FHAD1: variants seen among roughly 807,000 people sequenced by gnomAD.
FHAD1 encodes forkhead-associated domain-containing protein 1.
A neutral mutation model predicts 191.3 loss-of-function variants in FHAD1; 146 were observed. That is an observed-to-expected ratio of 0.76 (90% confidence interval 0.67 to 0.88). The LOEUF (loss-of-function observed/expected upper bound fraction) is 0.88. FHAD1 is among the 40% of genes least tolerant of loss of function. The pLI, the probability that FHAD1 is intolerant of heterozygous loss-of-function variation, is 0.00. For synonymous variants in FHAD1, 616 were observed against 672.3 expected (o/e 0.92, Z 1.29); for missense variants, 1,635 against 1,785.8 (o/e 0.92, Z 1.52).
At chr1:15,340,054 G>GACC (rs1317935287) in intron 15 of FHAD1, among the ~76,000 whole-genome samples, 1 of 152,090 alleles carries the variant, frequency 6.6e-6, no homozygotes, top group Non-Finnish European at 1.5e-5. Flanking sequence ...TTGAACTCCT[G>GACC]ACCTCAAGTG....
intron 15 of FHAD1, 116 bp downstream of exon 15, chr1:15,339,667 TC>T: frequency 2.8e-6 from 1 of 355,560 alleles, no homozygotes; most frequent in East Asian, 8.2e-5. Context: ...GTCCACACCC[TC>T]CAATAGGTGA....
At chr1:15,308,203 T>C (rs969612950) in intron 6 of FHAD1, among the ~76,000 whole-genome samples, 2 of 152,194 alleles carry the variant, frequency 1.3e-5, no homozygotes, top group Non-Finnish European at 2.9e-5. Context: ...TATAACCTAT[T>C]GTTATCATTT....
chr1:15,343,782 A>G (rs1238361304), intron 16 of FHAD1: 1 of 152,186 alleles, frequency 6.6e-6, no homozygotes, highest in Non-Finnish European at 1.5e-5. Flanking sequence ...GTACCTAGAA[A>G]TCTTCAAAAT....
rs1056326647 is a variant in FHAD1, at chr1:15,276,480, G to A, written c.300+3951G>A. On this transcript the variant is annotated intron_variant, in intron 3 of 33. Coordinates refer to ENST00000688493, the MANE Select transcript of FHAD1 (RefSeq NM_001391957.1). This position sits in a 1 kb window ranked among gnomAD's most constrained non-coding sequence, Gnocchi z 4.7. ...ACCCACGATATGCTTAAGAGTACACGTTATATATCATAGCTTTTTTGCCAA... is the reference window on the plus strand; with the variant it reads ...ACCCACGATATGCTTAAGAGTACACATTATATATCATAGCTTTTTTGCCAA... Among the ~76,000 whole-genome samples, 8 of 152,334 alleles carry A rather than the reference G, an allele frequency of 5.3e-5. No individual in the cohort carries two copies. The South Asian group carries it at 8.3e-4, about 16-fold the overall frequency.
intron 15 of FHAD1, among the ~76,000 whole-genome samples, chr1:15,341,282 C>T (rs77283727): frequency 2.0e-5 from 3 of 152,198 alleles, no homozygotes; most frequent in African/African-American, 7.2e-5. Flanking sequence ...CTGGTCTAGT[C>T]CCTTCTCCTT....
At position 15,366,604 on chromosome 1, in the gene FHAD1, C is replaced by T. The variant is rs77967464; in HGVS notation, c.3154+671C>T. ...GCAGCAGGCCAGTTTGCACAAGCCC[C>T]GGCACTCACTAGCTTTGGGACCTAG... is the stretch of plus-strand genomic sequence containing the variant. On this transcript the variant is annotated intron_variant, in intron 24 of 33. Transcript: ENST00000688493. 4.2e-3 allele frequency among the ~76,000 whole-genome samples: 642 copies of T among 152,302 alleles called. 3 individuals are homozygous for T. The highest frequency in any genetic ancestry group is 6.2e-3 in the Non-Finnish European group (425 of 68,010).
intron 26 of FHAD1, among the ~76,000 whole-genome samples, chr1:15,371,558 G>A (rs150830111): frequency 6.6e-6 from 1 of 152,254 alleles, no homozygotes; most frequent in African/African-American, 2.4e-5. Flanking sequence ...GGAGCTCCTG[G>A]TACCCCTCAG....
intron 10 of FHAD1, among the ~76,000 whole-genome samples, chr1:15,324,223 G>A (rs1677406531): frequency 6.6e-6 from 1 of 152,124 alleles, no homozygotes; most frequent in African/African-American, 2.4e-5. Flanking sequence ...TAGAGCCTGG[G>A]GTAGGACAAA....
chr1:15,316,300 G>T lies in FHAD1; in HGVS notation c.1171-78G>T. 1 of 1,135,296 alleles carries T rather than the reference G, an allele frequency of 8.8e-7. No individual in the cohort carries two copies. The highest frequency in any genetic ancestry group is 1.3e-6 in the Non-Finnish European group (1 of 774,184). The allele number at this position is 1,135,296 out of a possible 1,614,324, so 70.3% of individuals were successfully genotyped here. ...AAATGCTCTCAGGGGCTCACATGGG[G>T]CCTTGGAGCCCCTCCTTCCCCCGAC... is the stretch of plus-strand genomic sequence containing the variant. On this transcript the variant is annotated intron_variant, in intron 8 of 33. Transcript: ENST00000688493. This position sits in a 1 kb window ranked among gnomAD's most constrained non-coding sequence, Gnocchi z 4.3.
intron 16 of FHAD1, chr1:15,343,946 C>A (rs1020849268): frequency 2.8e-4 from 43 of 152,376 alleles, no homozygotes; most frequent in African/African-American, 1.0e-3. Flanking sequence ...ATGTTAAACA[C>A]TGCGTTGGGC....
intron 3 of FHAD1, among the ~76,000 whole-genome samples, chr1:15,279,062 TGTTTTACTACCTGTGGTTG>T (rs1659553278): frequency 6.6e-6 from 1 of 152,152 alleles, no homozygotes; most frequent in African/African-American, 2.4e-5. Flanking sequence ...CTCCACCTAA[TGTTTTACTACCTGTGGTTG>T]GTTCCTTGGT....
chr1:15,307,740 T>A (rs1294624559), intron 6 of FHAD1, among the ~76,000 whole-genome samples: 1 of 152,072 alleles, frequency 6.6e-6, no homozygotes, highest in African/African-American at 2.4e-5. Flanking sequence ...TTCTCTTTTT[T>A]TTTTTTTGGA....
chr1:15,308,675 A>G lies in FHAD1; in HGVS notation c.978A>G (p.Ser326=). ...GCCAGACCCTGTCAGAGCGGAACTC[A>G]GAAATCACATCCCTGAAGAATGAGG... ...VLCQTLSERN[S]EITSLKNEGE... is the part of the protein sequence containing the mutation. Residue 326 remains serine, a synonymous_variant, in exon 7 of 34, where the codon TCA becomes TCG. Coordinates refer to ENST00000688493, the MANE Select transcript of FHAD1 (RefSeq NM_001391957.1). 1 of 1,551,780 alleles carries G rather than the reference A, an allele frequency of 6.4e-7. No homozygotes were observed. Among genetic ancestry groups the G allele is most frequent in the South Asian group, 1.2e-5 (1 of 84,060 alleles).
At chr1:15,304,426 C>G (rs1308042837) in intron 6 of FHAD1, among the ~76,000 whole-genome samples, 1 of 152,120 alleles carries the variant, frequency 6.6e-6, no homozygotes, top group African/African-American at 2.4e-5. Context: ...AGTCTGATAT[C>G]CTAAAGCTCT....
rs1317241491 is a variant in FHAD1 at position 15,358,290 on chromosome 1, C to T, written c.2736+7C>T. On this transcript the variant is annotated splice_region_variant and intron_variant, in intron 21 of 33. Transcript: ENST00000688493. ...AACTACCAAGACAAAAATGGTAAGT[C>T]GGTGCCTTCCGGGAACGGGAGAATT... 6 of 1,522,540 alleles carry T rather than the reference C, an allele frequency of 3.9e-6. No individual in the cohort carries two copies. The highest frequency in any genetic ancestry group is 2.5e-5 in the Admixed American group (1 of 39,690). The allele number at this position is 1,522,540 out of a possible 1,614,324, so 94.3% of individuals were successfully genotyped here.
intron 33 of FHAD1, among the ~76,000 whole-genome samples, chr1:15,392,337 C>T (rs1375942877): frequency 1.3e-5 from 2 of 152,132 alleles, no homozygotes; most frequent in Non-Finnish European, 2.9e-5. Flanking sequence ...TCGAGACCAT[C>T]CTGGCTAACA....
intron 33 of FHAD1, among the ~76,000 whole-genome samples, chr1:15,395,608 G>A (rs990443937): frequency 1.3e-5 from 2 of 152,100 alleles, no homozygotes; most frequent in African/African-American, 4.8e-5. Context: ...GCCCGGGAGT[G>A]GGGTCATGCA....
In FHAD1 at chr1:15,382,190, G is replaced by A. The variant is rs1348279450; in HGVS notation, c.4185G>A (p.Gln1395=). 6.4e-7 allele frequency: 1 copy of A among 1,550,788 alleles called. No homozygotes were observed. Among genetic ancestry groups the A allele is most frequent in the Non-Finnish European group, 8.7e-7 (1 of 1,146,942 alleles). Residue 1395 remains glutamine, a synonymous_variant, in exon 31 of 34, where the codon CAG becomes CAA. Transcript: ENST00000688493. ...EKRINRAIRQ[Q]KESVEEHELR... ...GGATCAACAGGGCCATCCGGCAGCA[G>A]AAGGTGAGGCGCTGCTGCCCAGGGC...
chr1:15,377,696 G>A (rs776666811), intron 28 of FHAD1, among the ~76,000 whole-genome samples: 5 of 151,986 alleles, frequency 3.3e-5, no homozygotes, highest in Admixed American at 6.6e-5. Context: ...CCAGGCATTG[G>A]TGGCTCATGC....
Sources: allele counts gnomAD v4.1 joint callset (sites outside exome capture counted in the v4.1 genomes callset), GRCh38; gene constraint gnomAD v4.1.1; non-coding constraint Gnocchi (gnomAD v3.1); transcripts MANE v1.5; gene names NCBI Gene and HGNC (gene_info 2026-07-23, HGNC 2026-07-21).